Variants in ARNT2 observed in about 807,000 individuals in gnomAD.
ARNT2 encodes ARNT protein 2.
Under a neutral mutation model 91.7 loss-of-function variants are expected in ARNT2, and 36 were observed. The observed-to-expected ratio is 0.39, with a 90% confidence interval of 0.30 to 0.52. The LOEUF is 0.52. Among genes scored for constraint, ARNT2 ranks in the 20% least tolerant of loss-of-function variants. The pLI is 0.72. For missense variants in ARNT2, 775 were observed against 939.3 expected, an observed-to-expected ratio of 0.83 and a Z score of 2.29; for synonymous variants, 365 against 347.1, an observed-to-expected ratio of 1.05 and a Z score of -0.57.
chr15:80,525,139 A>T (rs1383584509), intron 8 of ARNT2, among the ~76,000 whole-genome samples: 2 of 152,160 alleles, frequency 1.3e-5, no homozygotes, highest in East Asian at 3.9e-4. Flanking sequence ...TTGCGAAATC[A>T]ATCTAAATTT....
At position 80,457,938 on chromosome 15, in the gene ARNT2, C is replaced by T. The variant is rs149633120; in HGVS notation, c.156C>T (p.Phe52=). 30 of 1,613,712 alleles carry T rather than the reference C, an allele frequency of 1.9e-5. No homozygotes were observed. In the African/African-American group the frequency reaches 2.3e-4, roughly 12 times the overall value. The change falls in exon 3 of 19, where the codon TTC becomes TTT. Residue 52 remains phenylalanine, a synonymous_variant. Transcript: ENST00000303329. The part of the protein sequence containing the change: ...RGGKRRSGMD[F]DDEDGEGPSK... ...GATCTTGACTTTTCAGAATGGACTT[C>T]GATGATGAAGATGGTGAAGGCCCCA...
At chr15:80,528,681 G>A (rs1176673132) in intron 8 of ARNT2, among the ~76,000 whole-genome samples, 1 of 152,038 alleles carries the variant, frequency 6.6e-6, no homozygotes, top group Non-Finnish European at 1.5e-5. Flanking sequence ...CAGGAGAGTT[G>A]GTTGTTAAAA....
At chr15:80,495,095 C>CTT (rs113264695) in intron 5 of ARNT2, among the ~76,000 whole-genome samples, 1 of 151,822 alleles carries the variant, frequency 6.6e-6, no homozygotes, top group Admixed American at 6.6e-5. Flanking sequence ...CCCTGTAAGC[C>CTT]TTTTTTTTGT....
At chr15:80,478,098 G>A (rs1023014893) in intron 5 of ARNT2, among the ~76,000 whole-genome samples, 1 of 152,084 alleles carries the variant, frequency 6.6e-6, no homozygotes, top group Non-Finnish European at 1.5e-5. Context: ...AAATCCTAAG[G>A]GACACACCTT....
intron 8 of ARNT2, among the ~76,000 whole-genome samples, chr15:80,516,855 A>ATATATATATATATATATATATATG (rs1491249404): frequency 7.0e-6 from 1 of 142,636 alleles, no homozygotes; most frequent in Non-Finnish European, 1.5e-5. Flanking sequence ...ATATATATAT[A>ATATATATATATATATATATATATG]TCCATGTTCA....
intron 8 of ARNT2, among the ~76,000 whole-genome samples, chr15:80,546,941 C>T (rs573294670): frequency 4.7e-5 from 7 of 149,682 alleles, no homozygotes; most frequent in South Asian, 2.1e-4. Flanking sequence ...CCAGCCTGGG[C>T]GACAGAGTGA....
intron 3 of ARNT2, among the ~76,000 whole-genome samples, chr15:80,459,120 C>G (rs1268236871): frequency 6.6e-6 from 1 of 152,202 alleles, no homozygotes; most frequent in African/African-American, 2.4e-5. Flanking sequence ...CCCAGAGTCT[C>G]CAAGTCCATA....
chr15:80,492,816 A>G (rs551649621), intron 5 of ARNT2, among the ~76,000 whole-genome samples: 1 of 152,274 alleles, frequency 6.6e-6, no homozygotes, highest in African/African-American at 2.4e-5. Context: ...CATTTCTGAA[A>G]TCATGTTTTT....
intron 1 of ARNT2, among the ~76,000 whole-genome samples, chr15:80,437,674 C>T (rs1197404740): frequency 1.3e-5 from 2 of 152,192 alleles, no homozygotes; most frequent in Non-Finnish European, 2.9e-5. Context: ...GTGGCTACAC[C>T]ATTTCACAAC....
intron 5 of ARNT2, chr15:80,487,757 T>C (rs899661153): frequency 2.6e-5 from 4 of 152,242 alleles, no homozygotes; most frequent in Non-Finnish European, 4.4e-5. Flanking sequence ...CCATGCTTTG[T>C]TCATGGCAAC....
intron 11 of ARNT2, among the ~76,000 whole-genome samples, chr15:80,559,015 C>T (rs1389426258): frequency 6.6e-6 from 1 of 152,156 alleles, no homozygotes; most frequent in Non-Finnish European, 1.5e-5. Flanking sequence ...TTGTCTTCCC[C>T]ATTTTTTTCA....
intron 6 of ARNT2, among the ~76,000 whole-genome samples, chr15:80,510,588 TGGGAGGCCAAGGCGGGC>T (rs1423469752): frequency 1.1e-3 from 168 of 151,224 alleles, no homozygotes; most frequent in Non-Finnish European, 2.0e-3. Context: ...CCCAGCATTT[TGGGAGGCCAAGGCGGGC>T]AGATCACGAG....
At chr15:80,459,023 C>G (rs1177708159) in intron 3 of ARNT2, among the ~76,000 whole-genome samples, 2 of 152,186 alleles carry the variant, frequency 1.3e-5, no homozygotes, top group Non-Finnish European at 2.9e-5. Flanking sequence ...GTGATGATTC[C>G]TTTTACAAAC....
chr15:80,524,491 A>G (rs536991610), intron 8 of ARNT2, among the ~76,000 whole-genome samples: 3 of 152,320 alleles, frequency 2.0e-5, no homozygotes, highest in Admixed American at 6.5e-5. Context: ...CTACATTTCA[A>G]TGGTAAAGAA....
intron 1 of ARNT2, among the ~76,000 whole-genome samples, chr15:80,446,278 T>C (rs142335250): frequency 1.3e-3 from 205 of 152,298 alleles, no homozygotes; most frequent in Admixed American, 2.7e-3. Flanking sequence ...TTTCTTCTAC[T>C]AGACATGATA....
rs557930600 is a variant in ARNT2, at chr15:80,449,112, C to T, written c.32-1768C>T. The stretch of plus-strand genomic sequence containing the variant: ...GATATTTATGATATACTGGGATAAC[C>T]GAAGTTAAGCAATCCTCTTTATATA... On this transcript the variant is annotated intron_variant, in intron 1 of 18. Coordinates refer to ENST00000303329, the MANE Select transcript of ARNT2 (RefSeq NM_014862.4). Among the ~76,000 whole-genome samples, 266 of 152,244 alleles carry T rather than the reference C, an allele frequency of 1.7e-3. 6 individuals carry two copies. Among genetic ancestry groups the T allele is most frequent in the Non-Finnish European group, 1.8e-3 (123 of 68,018 alleles).
chr15:80,501,122 A>C (rs939499713), intron 5 of ARNT2, among the ~76,000 whole-genome samples: 1 of 152,202 alleles, frequency 6.6e-6, no homozygotes, highest in African/African-American at 2.4e-5. Flanking sequence ...TCCTTATTTG[A>C]TGCAGGAATG....
intron 3 of ARNT2, among the ~76,000 whole-genome samples, chr15:80,459,084 A>C (rs1896518122): frequency 6.6e-6 from 1 of 152,202 alleles, no homozygotes; most frequent in African/African-American, 2.4e-5. Context: ...CAACAGGGAC[A>C]TGCATCTCCT....
At chr15:80,412,764 T>A (rs1666556660) in intron 1 of ARNT2, among the ~76,000 whole-genome samples, 3 of 152,248 alleles carry the variant, frequency 2.0e-5, no homozygotes, top group Non-Finnish European at 4.4e-5. Flanking sequence ...TATGAATACA[T>A]GATTTTTTCC....
Sources: allele counts gnomAD v4.1 joint callset (sites outside exome capture counted in the v4.1 genomes callset), GRCh38; gene constraint gnomAD v4.1.1; transcripts MANE v1.5; gene names NCBI Gene and HGNC (gene_info 2026-07-23, HGNC 2026-07-21).